CTNNA2: variants seen among roughly 807,000 people sequenced by gnomAD.
CTNNA2 encodes the protein catenin alpha-2.
Under a neutral mutation model 101.0 loss-of-function variants are expected in CTNNA2, and 42 were observed. The ratio of observed to expected loss-of-function variants is 0.42; its 90% CI spans 0.32 to 0.54. CTNNA2 has a LOEUF of 0.54. Ranked by LOEUF, CTNNA2 falls within the 20% of genes least tolerant of loss-of-function variation. CTNNA2 has a pLI of 0.14. For missense variants in CTNNA2, 871 were observed against 1,223.1 expected (o/e 0.71, Z 4.29); for synonymous variants, 450 against 456.4 (o/e 0.99, Z 0.18).
At chr2:79,195,644 G>A (rs1006298802) in intron 1 of CTNNA2, among the ~76,000 whole-genome samples, 6 of 152,146 alleles carry the variant, frequency 3.9e-5, no homozygotes, top group Non-Finnish European at 8.8e-5. Context: ...ATGCCAGCAG[G>A]CCTCTGCAGT....
At chr2:79,390,268 AAC>A (rs1678157965) in intron 4 of CTNNA2, among the ~76,000 whole-genome samples, 1 of 152,238 alleles carries the variant, frequency 6.6e-6, no homozygotes, top group African/African-American at 2.4e-5. Flanking sequence ...AACTAAACAG[AAC>A]CTGGTGGATA....
chr2:79,653,515 A>T (rs1681403590), intron 2 of CTNNA2, among the ~76,000 whole-genome samples: 1 of 152,182 alleles, frequency 6.6e-6, no homozygotes, highest in Non-Finnish European at 1.5e-5. Context: ...GAGGGGATCC[A>T]TGAATTACAT....
At chr2:80,043,028 TTTC>T (rs1696183953) in intron 7 of CTNNA2, among the ~76,000 whole-genome samples, 1 of 62,444 alleles carries the variant, frequency 1.6e-5, no homozygotes, top group African/African-American at 7.3e-5. Flanking sequence ...CCTTTCTTTC[TTTC>T]TTTCTTTCCT....
At chr2:79,710,313 A>G (rs1685659200) in intron 2 of CTNNA2, among the ~76,000 whole-genome samples, 1 of 152,166 alleles carries the variant, frequency 6.6e-6, no homozygotes, top group Non-Finnish European at 1.5e-5. Flanking sequence ...TAATGATTCA[A>G]TCTCACATAT....
intron 3 of CTNNA2, among the ~76,000 whole-genome samples, chr2:79,787,601 TTTCA>T (rs1456845234): frequency 6.6e-6 from 1 of 152,152 alleles, no homozygotes; most frequent in Non-Finnish European, 1.5e-5. Context: ...TTAAAATCAG[TTTCA>T]CATGCTAAAG....
chr2:80,155,737 G>C (rs1034443724), intron 7 of CTNNA2, among the ~76,000 whole-genome samples: 1 of 152,090 alleles, frequency 6.6e-6, no homozygotes, highest in Non-Finnish European at 1.5e-5. Flanking sequence ...TGCTGTAGCT[G>C]TGTTCCCTTG....
At chr2:80,261,728 A>G (rs945284139) in intron 7 of CTNNA2, among the ~76,000 whole-genome samples, 1 of 152,184 alleles carries the variant, frequency 6.6e-6, no homozygotes, top group South Asian at 2.1e-4. Context: ...AGTGATTTGA[A>G]AATTATATTT....
At chr2:80,174,606 T>C (rs576649500) in intron 7 of CTNNA2, among the ~76,000 whole-genome samples, 3 of 152,322 alleles carry the variant, frequency 2.0e-5, no homozygotes, top group African/African-American at 7.2e-5. Context: ...TTGAAGCCAA[T>C]CTTGAAGGTC....
intron 7 of CTNNA2, among the ~76,000 whole-genome samples, chr2:80,001,817 C>A (rs768812715): frequency 1.3e-5 from 2 of 152,180 alleles, no homozygotes; most frequent in Non-Finnish European, 2.9e-5. Flanking sequence ...TAAGGTGACT[C>A]CCTGTATGAT....
rs151194259 is a variant in CTNNA2, at chr2:79,952,582, T to C, written c.1056+42785T>C. On this transcript the variant is annotated intron_variant, in intron 7 of 18. Transcript: ENST00000402739. Reference sequence around the variant, plus strand: ...TTTTATGAAAGACATTTTGAAAATGTGAATTTTACTTTTCTAGCAAAAGAA... The same window carrying C: ...TTTTATGAAAGACATTTTGAAAATGCGAATTTTACTTTTCTAGCAAAAGAA... Among the ~76,000 whole-genome samples the C allele has an allele frequency of 3.8e-3, 574 of 152,314 alleles. 2 individuals are homozygous for C. Among genetic ancestry groups the C allele is most frequent in the Non-Finnish European group, 5.7e-3 (385 of 68,034 alleles).
At chr2:80,045,024 G>T (rs780824344) in intron 7 of CTNNA2, among the ~76,000 whole-genome samples, 1 of 152,172 alleles carries the variant, frequency 6.6e-6, no homozygotes, top group Non-Finnish European at 1.5e-5. Flanking sequence ...TTATTTGGCG[G>T]CTGAACGCTC....
In CTNNA2 at chr2:79,400,315, T is replaced by A. The variant is rs546413282; in HGVS notation, c.-135+26302T>A. 2.3e-3 allele frequency among the ~76,000 whole-genome samples: 356 copies of A among 152,090 alleles called. 1 individual carries two copies. The highest frequency in any genetic ancestry group is 4.1e-3 in the Non-Finnish European group (281 of 67,954). On this transcript the variant is annotated intron_variant, in intron 4 of 21. Coordinates refer to the CTNNA2 transcript ENST00000466387. ...TTTTTTATCTTAGTAGCTATCGTTTTTAGGAATAGAATGGGAGGCAGGTTG... is the reference window on the plus strand; with the variant it reads ...TTTTTTATCTTAGTAGCTATCGTTTATAGGAATAGAATGGGAGGCAGGTTG...
At chr2:80,209,017 A>G (rs1707717514) in intron 7 of CTNNA2, among the ~76,000 whole-genome samples, 1 of 151,846 alleles carries the variant, frequency 6.6e-6, no homozygotes, top group African/African-American at 2.4e-5. Flanking sequence ...CACATAACTC[A>G]CTCTTTTTTT....
At chr2:79,419,239 A>T (rs1168500328) in intron 4 of CTNNA2, among the ~76,000 whole-genome samples, 1 of 152,194 alleles carries the variant, frequency 6.6e-6, no homozygotes, top group Non-Finnish European at 1.5e-5. Context: ...TCAAAGAATA[A>T]TTTTCAAAAA....
intron 2 of CTNNA2, among the ~76,000 whole-genome samples, chr2:79,705,931 G>A (rs1685327238): frequency 6.6e-6 from 1 of 152,136 alleles, no homozygotes; most frequent in Admixed American, 6.5e-5. Flanking sequence ...ACAGAGAAGA[G>A]GTCATATGTA....
chr2:80,089,930 G>T (rs191099792), intron 7 of CTNNA2, among the ~76,000 whole-genome samples: 100 of 152,132 alleles, frequency 6.6e-4, no homozygotes, highest in Non-Finnish European at 1.2e-4. Context: ...CCAGTTCTCT[G>T]CCTTTGCCAA....
At chr2:80,111,013 T>C (rs1261695267) in intron 7 of CTNNA2, among the ~76,000 whole-genome samples, 3 of 152,244 alleles carry the variant, frequency 2.0e-5, no homozygotes, top group African/African-American at 7.2e-5. Context: ...ATGTCCTTCT[T>C]CACATGGTGG....
chr2:80,534,769 G>T (rs1690851899), intron 9 of CTNNA2, among the ~76,000 whole-genome samples: 1 of 152,162 alleles, frequency 6.6e-6, no homozygotes, highest in Non-Finnish European at 1.5e-5. Flanking sequence ...GGACCTTTCA[G>T]CAAGGACTAT....
intron 7 of CTNNA2, among the ~76,000 whole-genome samples, chr2:80,321,282 A>G (rs1678653745): frequency 6.6e-6 from 1 of 152,184 alleles, no homozygotes; most frequent in Admixed American, 6.5e-5. Context: ...TGGAGGTTTC[A>G]TTGGGAGGGT....
Sources: allele counts gnomAD v4.1 joint callset (sites outside exome capture counted in the v4.1 genomes callset), GRCh38; gene constraint gnomAD v4.1.1; transcripts MANE v1.5; gene names NCBI Gene and HGNC (gene_info 2026-07-23, HGNC 2026-07-21).